Variants in ROS1 observed in about 807,000 individuals in gnomAD.
ROS1 encodes the protein proto-oncogene tyrosine-protein kinase ROS.
In ROS1, 263 loss-of-function variants were observed where a neutral mutation model predicts 273.5. The observed-to-expected ratio is 0.96, with a 90% CI of 0.87 to 1.06. The LOEUF is 1.06. ROS1 is among the 50% of genes least tolerant of loss of function. The pLI, the probability that ROS1 is intolerant of heterozygous loss-of-function variation, is 0.00. For synonymous variants in ROS1, 1,008 were observed against 954.1 expected, an observed-to-expected ratio of 1.06 and a Z score of -1.04; for missense variants, 2,833 against 2,751.1, an observed-to-expected ratio of 1.03 and a Z score of -0.67.
intron 39 of ROS1, among the ~76,000 whole-genome samples, chr6:117,316,077 G>T (rs1391678194): frequency 6.6e-6 from 1 of 152,086 alleles, no homozygotes; most frequent in Admixed American, 6.6e-5. Context: ...TGGAAGGATG[G>T]TTTATCTGCA....
chr6:117,377,009 TAC>T (rs1466702710), intron 18 of ROS1, among the ~76,000 whole-genome samples: 1 of 152,192 alleles, frequency 6.6e-6, no homozygotes, highest in Non-Finnish European at 1.5e-5. Context: ...TCTCTGAATT[TAC>T]AGTTATCAAG....
chr6:117,416,339 A>G, intron 2 of ROS1, 22 bp from the exon 3 acceptor site: 1 of 1,512,144 alleles, frequency 6.6e-7, no homozygotes, highest in Non-Finnish European at 9.2e-7. Context: ...AATAACAGAC[A>G]ATGGTGAGTG....
chr6:117,422,384 C>T (rs1383257460), intron 1 of ROS1, among the ~76,000 whole-genome samples: 2 of 152,154 alleles, frequency 1.3e-5, no homozygotes, highest in African/African-American at 4.8e-5. Flanking sequence ...ATTTTTTATG[C>T]TACATGGATA....
intron 32 of ROS1, among the ~76,000 whole-genome samples, chr6:117,334,622 TG>T (rs1554228386): frequency 2.6e-5 from 4 of 152,098 alleles, no homozygotes; most frequent in Non-Finnish European, 5.9e-5. Flanking sequence ...TAACACAGCA[TG>T]GTACTGGTAC....
rs751529473 is a variant in ROS1 at position 117,328,858 on chromosome 6, T to C, written c.5348+471A>G. ...TGTAATCTTCCCAATGAATACAGAA[T>C]CCTGTGTGACCTCTACACTTCAGAC... On this transcript the variant is annotated intron_variant, in intron 33 of 43. Transcript: ENST00000368507. The C allele has an allele frequency of 9.8e-6, 6 of 612,966 alleles. No homozygotes were observed. In the Admixed American group the frequency reaches 1.1e-4, roughly 11 times the overall value. The allele number at this position is 612,966 out of a possible 1,614,324, so 38.0% of individuals were successfully genotyped here. A position where few individuals can be genotyped will look rare whatever the true frequency, so the allele number is the denominator to read the frequency against.
intron 18 of ROS1, among the ~76,000 whole-genome samples, chr6:117,374,599 A>T (rs1431072021): frequency 6.6e-6 from 1 of 152,242 alleles, no homozygotes; most frequent in Non-Finnish European, 1.5e-5. Context: ...CCAAAATCAA[A>T]TGCAACAAAA....
intron 42 of ROS1, among the ~76,000 whole-genome samples, chr6:117,305,137 A>G (rs1382864018): frequency 6.6e-6 from 1 of 152,148 alleles, no homozygotes; most frequent in Non-Finnish European, 1.5e-5. Flanking sequence ...GTAGTGTGAG[A>G]ATGAACTAAT....
At chr6:117,328,872 T>C (rs2128591334) in intron 33 of ROS1, 3 of 613,028 alleles carry the variant, frequency 4.9e-6, no homozygotes, top group Non-Finnish European at 9.7e-6. Context: ...GTGTGACCTC[T>C]ACACTTCAGA....
intron 37 of ROS1, 120 bp downstream of exon 37, chr6:117,319,748 C>T (rs1045939143): frequency 1.5e-5 from 12 of 825,518 alleles, no homozygotes; most frequent in Admixed American, 4.8e-5. Flanking sequence ...GGATAGGCTT[C>T]GACATTCAAC....
intron 28 of ROS1, among the ~76,000 whole-genome samples, chr6:117,342,853 T>C (rs1172458477): frequency 6.6e-6 from 1 of 152,142 alleles, no homozygotes; most frequent in Non-Finnish European, 1.5e-5. Context: ...TTCAGCAAGA[T>C]GGTAGAAAAC....
intron 18 of ROS1, among the ~76,000 whole-genome samples, chr6:117,369,941 G>A (rs547443988): frequency 6.6e-6 from 1 of 152,066 alleles, no homozygotes; most frequent in East Asian, 1.9e-4. Context: ...CCATATATAT[G>A]TATATGTACA....
chr6:117,419,672 A>G (rs557593713), intron 1 of ROS1, among the ~76,000 whole-genome samples: 1 of 152,306 alleles, frequency 6.6e-6, no homozygotes, highest in Non-Finnish European at 1.5e-5. Context: ...TGAGTTGAAA[A>G]TTGAATCTTT....
chr6:117,339,554 G>C (rs1490597158), intron 31 of ROS1, among the ~76,000 whole-genome samples: 1 of 152,092 alleles, frequency 6.6e-6, no homozygotes, highest in East Asian at 1.9e-4. Context: ...TTGTTCAAAA[G>C]AGACAGCACT....
chr6:117,308,642 T>C (rs576805068), intron 42 of ROS1, 152 bp downstream of exon 42: 9 of 732,282 alleles, frequency 1.2e-5, no homozygotes, highest in Middle Eastern at 3.3e-4. Context: ...TATTCACAAA[T>C]TGACACAATG....
Position 117,425,665 on chromosome 6 carries a change from C to A in ROS1, c.-9G>T. ...CAGTAAATGTTCTTCATCACTTCAC[C>A]AATGGCAGATTTTTAGATGGCCGGT... On this transcript the variant is annotated 5_prime_UTR_variant, in exon 1 of 44. Coordinates refer to ENST00000368507, the MANE Select transcript of ROS1 (RefSeq NM_001378902.1). The A allele has an allele frequency of 6.2e-7, 1 of 1,609,908 alleles. No homozygotes were observed. Among genetic ancestry groups the A allele is most frequent in the South Asian group, 1.1e-5 (1 of 89,768 alleles).
chr6:117,302,753 T>C (rs1014270654), intron 42 of ROS1, among the ~76,000 whole-genome samples: 15 of 152,202 alleles, frequency 9.9e-5, no homozygotes, highest in African/African-American at 3.6e-4. Context: ...TCTGGACAAG[T>C]CATTCTACCT....
rs752717529 is a variant in ROS1, at chr6:117,301,171, G to C, written c.6552-34C>G. ...ATGGGGAAAGATGGGAAAGTAAATAGCAATTGGATATAATTACTGATAACC... is the reference window on the plus strand; with the variant it reads ...ATGGGGAAAGATGGGAAAGTAAATACCAATTGGATATAATTACTGATAACC... On this transcript the variant is annotated intron_variant, in intron 42 of 43. Coordinates refer to ENST00000368507, the MANE Select transcript of ROS1 (RefSeq NM_001378902.1). 14 of 1,531,690 alleles carry C rather than the reference G, an allele frequency of 9.1e-6. No individual in the cohort carries two copies. In the African/African-American group the frequency reaches 1.8e-4, roughly 20 times the overall value. 94.9% of individuals were successfully genotyped at this position (1,531,690 alleles called of 1,614,324 possible). A position where few individuals can be genotyped will look rare whatever the true frequency, so the allele number is the denominator to read the frequency against.
At chr6:117,390,259 G>T (rs1053944048) in intron 12 of ROS1, among the ~76,000 whole-genome samples, 2 of 152,060 alleles carry the variant, frequency 1.3e-5, no homozygotes, top group African/African-American at 4.8e-5. Flanking sequence ...ATCCCATGTA[G>T]CTGGGACCAC....
intron 5 of ROS1, among the ~76,000 whole-genome samples, chr6:117,405,817 C>A (rs7770923): frequency 0.56 from 85,432 of 151,968 alleles, 25,364 homozygotes; most frequent in African/African-American, 0.76. Flanking sequence ...CTGGGTTATA[C>A]TTTCAGAGAT....
Sources: gnomAD v4.1 joint callset for allele counts (sites outside exome capture counted in the v4.1 genomes callset) on GRCh38, gnomAD v4.1.1 for gene constraint, MANE v1.5 for transcripts, NCBI Gene and HGNC (gene_info 2026-07-23, HGNC 2026-07-21) for gene names.